RANBP2: variants seen among roughly 807,000 people sequenced by gnomAD.
The protein encoded by RANBP2 is E3 SUMO-protein ligase RanBP2.
Under a neutral mutation model 303.6 loss-of-function variants are expected in RANBP2, and 57 were observed. That is an observed-to-expected ratio of 0.19 (90% confidence interval 0.15 to 0.23). RANBP2 has a LOEUF of 0.23. Ranked by LOEUF, RANBP2 falls within the 10% of genes least tolerant of loss-of-function variation. RANBP2 has a pLI of 1.00. For missense variants in RANBP2, 3,138 were observed against 3,780.8 expected, an observed-to-expected ratio of 0.83 and a Z score of 4.46; for synonymous variants, 1,167 against 1,301.5, an observed-to-expected ratio of 0.90 and a Z score of 2.23.
At chr2:108,741,477 C>T (rs1458730066) in intron 7 of RANBP2, among the ~76,000 whole-genome samples, 29 of 130,320 alleles carry the variant, frequency 2.2e-4, no homozygotes, top group Middle Eastern at 6.1e-3. Context: ...ATTACAGGCG[C>T]AAGCCACTGC....
chr2:108,753,252 T>C lies in RANBP2; in HGVS notation c.1917+93T>C, dbSNP rs567925245. 16 of 1,606,154 alleles carry C rather than the reference T, an allele frequency of 1.0e-5. No homozygotes were observed. The African/African-American group carries it at 1.9e-4, about 19-fold the overall frequency. On this transcript the variant is annotated intron_variant, in intron 13 of 28. Transcript: ENST00000283195. The stretch of plus-strand genomic sequence containing the variant: ...TATACACTGCTTAAATTAATTGCCT[T>C]GTTATTTAATGGTAATCTTGTTTTC...
chr2:109,028,873 G>T, the RANBP2 span, among the ~76,000 whole-genome samples: 1 of 152,174 alleles, frequency 6.6e-6, no homozygotes, highest in Non-Finnish European at 1.5e-5. Flanking sequence ...GACTGTGAGG[G>T]CCAACTGAGA....
chr2:108,770,525 G>A (rs1367003325), intron 20 of RANBP2, among the ~76,000 whole-genome samples: 2 of 152,186 alleles, frequency 1.3e-5, no homozygotes, highest in Non-Finnish European at 2.9e-5. Context: ...GGAGGCTGAG[G>A]CAGAGGGATC....
the RANBP2 span, among the ~76,000 whole-genome samples, chr2:109,072,144 T>C: frequency 6.6e-6 from 1 of 152,204 alleles, no homozygotes; most frequent in Non-Finnish European, 1.5e-5. Context: ...ATACTACATA[T>C]TCTTGGGCTT....
At chr2:108,911,153 G>A in the RANBP2 span, 1 of 1,556,272 alleles carries the variant, frequency 6.4e-7, no homozygotes. Context: ...GCCCCTGGAA[G>A]CAATGGCCCT....
chr2:108,752,248 T>C (rs559436668), intron 12 of RANBP2, among the ~76,000 whole-genome samples: 2 of 151,620 alleles, frequency 1.3e-5, no homozygotes, highest in Admixed American at 6.6e-5. Context: ...CTGATAATTA[T>C]TCAGCCTGAA....
At chr2:109,144,758 C>T in the RANBP2 span, among the ~76,000 whole-genome samples, 1 of 152,254 alleles carries the variant, frequency 6.6e-6, no homozygotes, top group Non-Finnish European at 1.5e-5. Flanking sequence ...GGCCACCTCA[C>T]ACTGTCTGCA....
chr2:108,785,806 TGTACATCTTAAG>T (rs1387293434), exon 29 of RANBP2: 1 of 152,254 alleles, frequency 6.6e-6, no homozygotes, highest in Non-Finnish European at 1.5e-5. Context: ...ATTCATTATT[TGTACATCTTAAG>T]TGGTACTTTA....
In RANBP2 at chr2:108,768,137, T is replaced by C; in HGVS notation, c.7598T>C (p.Phe2533Ser). 6.2e-7 allele frequency: 1 copy of C among 1,612,050 alleles called. No homozygotes were observed. Among genetic ancestry groups the C allele is most frequent in the Non-Finnish European group, 8.5e-7 (1 of 1,179,868 alleles). The change falls in exon 20 of 29, where the codon TTT (phenylalanine) becomes TCT (serine). Residue 2533 changes from phenylalanine (F) to serine (S), a missense_variant. This residue lies in a region of RANBP2 where 497 missense variants were observed against 465.8 expected (regional missense o/e 1.07). Transcript: ENST00000283195. ...SIFSSEKSKPFAFGNSSATGS... is the reference protein window; with the variant it reads ...SIFSSEKSKPSAFGNSSATGS... ...TTTAGTAGTGAAAAATCAAAACCAT[T>C]TGCATTCGGCAACAGTTCAGCCACT...
chr2:108,809,375 C>T, the RANBP2 span, among the ~76,000 whole-genome samples: 1 of 151,494 alleles, frequency 6.6e-6, no homozygotes, highest in African/African-American at 2.4e-5. Context: ...TTTTAATAAA[C>T]ATTATGTTGA....
At chr2:109,725,149 C>T in the RANBP2 span, among the ~76,000 whole-genome samples, 15 of 152,176 alleles carry the variant, frequency 9.9e-5, no homozygotes, top group Non-Finnish European at 1.6e-4. Context: ...CTGCTCCCCT[C>T]AGAACACATC....
the RANBP2 span, among the ~76,000 whole-genome samples, chr2:109,600,650 T>G: frequency 6.6e-6 from 1 of 152,138 alleles, no homozygotes; most frequent in Non-Finnish European, 1.5e-5. Context: ...CAATCAGTTT[T>G]GTAGTAGACA....
At chr2:108,844,012 C>T in the RANBP2 span, among the ~76,000 whole-genome samples, 3 of 148,450 alleles carry the variant, frequency 2.0e-5, no homozygotes, top group Non-Finnish European at 4.5e-5. Flanking sequence ...CGGTCATGTA[C>T]TACCTTACCT....
chr2:109,287,535 TG>T, the RANBP2 span, among the ~76,000 whole-genome samples: 1 of 152,180 alleles, frequency 6.6e-6, no homozygotes, highest in East Asian at 1.9e-4. Flanking sequence ...CCATGCACCC[TG>T]CAGAGCCACC....
chr2:109,163,484 C>T, the RANBP2 span, among the ~76,000 whole-genome samples: 13 of 141,232 alleles, frequency 9.2e-5, no homozygotes, highest in Admixed American at 3.7e-4. Flanking sequence ...CTGCAAGCTC[C>T]GCCTCCCGGG....
the RANBP2 span, among the ~76,000 whole-genome samples, chr2:109,291,382 G>A: frequency 2.0e-5 from 3 of 151,176 alleles, no homozygotes; most frequent in African/African-American, 7.3e-5. Context: ...AGGCCCATCT[G>A]CCCAAACAGT....
At chr2:109,135,398 CG>C in the RANBP2 span, among the ~76,000 whole-genome samples, 31 of 152,276 alleles carry the variant, frequency 2.0e-4, no homozygotes, top group African/African-American at 4.3e-4. Flanking sequence ...CCATCTGCCC[CG>C]GGGCAAATGG....
intron 6 of RANBP2, among the ~76,000 whole-genome samples, chr2:108,738,293 T>A (rs1169057416): frequency 6.6e-6 from 1 of 151,522 alleles, no homozygotes. Context: ...GCCAGGATGG[T>A]CTTGATCTCC....
chr2:109,548,080 GA>G, the RANBP2 span, among the ~76,000 whole-genome samples: 1 of 151,978 alleles, frequency 6.6e-6, no homozygotes, highest in South Asian at 2.1e-4. Context: ...GTAATGAGAG[GA>G]AATACAGATG....
Sources: allele counts gnomAD v4.1 joint callset (sites outside exome capture counted in the v4.1 genomes callset), GRCh38; gene constraint gnomAD v4.1.1; regional missense constraint gnomAD v4.1.1; transcripts MANE v1.5; gene names NCBI Gene and HGNC (gene_info 2026-07-23, HGNC 2026-07-21).